FMN1: variants seen among roughly 807,000 people sequenced by gnomAD.
FMN1 encodes the protein formin 1.
A neutral mutation model predicts 132.4 loss-of-function variants in FMN1; 110 were observed. The ratio of observed to expected loss-of-function variants is 0.83; its 90% CI spans 0.71 to 0.97. The LOEUF (loss-of-function observed/expected upper bound fraction) is 0.97. Among genes scored for constraint, FMN1 ranks in the 50% least tolerant of loss-of-function variants. The pLI is 0.00. For synonymous variants in FMN1, 722 were observed against 651.7 expected (o/e 1.11, Z -1.64); for missense variants, 1,792 against 1,705.3 (o/e 1.05, Z -0.90).
At chr15:33,049,155 G>A (rs1474398850) in intron 6 of FMN1, among the ~76,000 whole-genome samples, 2 of 152,128 alleles carry the variant, frequency 1.3e-5, no homozygotes, top group African/African-American at 4.8e-5. Context: ...TCAAAACTTG[G>A]TGCTAAGGCC....
intron 6 of FMN1, chr15:33,012,140 T>C (rs937654596): frequency 1.2e-5 from 6 of 488,806 alleles, no homozygotes; most frequent in Non-Finnish European, 2.2e-5. Context: ...TCAGAGTCCC[T>C]CAAAGGGCCT....
chr15:32,880,052 G>GT (rs35012329), intron 16 of FMN1, among the ~76,000 whole-genome samples: 41,310 of 148,620 alleles, frequency 0.28, 6,118 homozygotes, highest in African/African-American at 0.39. Flanking sequence ...AGCTTCTATT[G>GT]TTTTTTTTTT....
At chr15:32,827,657 T>C (rs747122974) in intron 17 of FMN1, among the ~76,000 whole-genome samples, 1 of 151,664 alleles carries the variant, frequency 6.6e-6, no homozygotes, top group African/African-American at 2.4e-5. Context: ...GAGACCATCC[T>C]GGCTAACATC....
chr15:33,093,472 CTG>C (rs1328844916), intron 4 of FMN1, among the ~76,000 whole-genome samples: 1 of 152,160 alleles, frequency 6.6e-6, no homozygotes, highest in East Asian at 1.9e-4. Context: ...TCACTCATGT[CTG>C]TATCTAAGAA....
At chr15:33,066,509 A>T in intron 5 of FMN1, 1 of 1,522,148 alleles carries the variant, frequency 6.6e-7, no homozygotes, top group Non-Finnish European at 8.8e-7. Context: ...AATTCTACAT[A>T]CACTTTTGGA....
At chr15:32,866,789 G>A (rs971079167) in intron 16 of FMN1, among the ~76,000 whole-genome samples, 6 of 151,990 alleles carry the variant, frequency 3.9e-5, no homozygotes, top group South Asian at 2.1e-4. Context: ...TATCTCCTTC[G>A]CTGACAACCC....
At chr15:32,978,357 C>T (rs2032380044) in intron 7 of FMN1, among the ~76,000 whole-genome samples, 1 of 152,230 alleles carries the variant, frequency 6.6e-6, no homozygotes, top group African/African-American at 2.4e-5. Flanking sequence ...GGCATTATTA[C>T]TCATCGGGGA....
At chr15:32,995,678 A>G (rs966494596) in intron 7 of FMN1, among the ~76,000 whole-genome samples, 10 of 152,210 alleles carry the variant, frequency 6.6e-5, no homozygotes, top group African/African-American at 1.7e-4. Flanking sequence ...TTTACCAATC[A>G]TGAGAGAGAT....
intron 10 of FMN1, among the ~76,000 whole-genome samples, chr15:32,918,401 A>C (rs916581526): frequency 1.7e-4 from 26 of 152,214 alleles, no homozygotes; most frequent in South Asian, 2.1e-4. Context: ...GCTCTGATGG[A>C]GTAAGAGACA....
chr15:33,020,346 C>G (rs965826858), intron 6 of FMN1, among the ~76,000 whole-genome samples: 1 of 141,306 alleles, frequency 7.1e-6, no homozygotes, highest in South Asian at 2.7e-4. Flanking sequence ...CCACCAGATT[C>G]GGTCACTATA....
intron 17 of FMN1, among the ~76,000 whole-genome samples, chr15:32,856,018 C>T (rs541902787): frequency 1.3e-4 from 20 of 152,302 alleles, no homozygotes; most frequent in African/African-American, 4.6e-4. Flanking sequence ...GACAACCTTT[C>T]ATCATGGAGA....
At chr15:32,812,839 T>C (rs1293373666) in intron 17 of FMN1, among the ~76,000 whole-genome samples, 1 of 152,226 alleles carries the variant, frequency 6.6e-6, no homozygotes, top group Non-Finnish European at 1.5e-5. Context: ...ACAATAGAAA[T>C]ATTTCAGGTG....
At chr15:32,860,201 GGAAA>G (rs1424586688) in intron 16 of FMN1, among the ~76,000 whole-genome samples, 1 of 114,740 alleles carries the variant, frequency 8.7e-6, no homozygotes, top group East Asian at 2.1e-4. Flanking sequence ...AAGGAAGGAA[GGAAA>G]GAAAGGAGAG....
rs1567149105 is a variant in FMN1 at position 32,777,480 on chromosome 15, T to TTTATA, written c.4131-562_4131-561insTATAA. ...TTTATATATTACGTATATTTATATA[T>TTTATA]TATATTTATATATTACGTATAACAT... On this transcript the variant is annotated intron_variant, in intron 19 of 20. Coordinates refer to ENST00000616417, the MANE Select transcript of FMN1 (RefSeq NM_001277313.2). Among the ~76,000 whole-genome samples the TTTATA allele has an allele frequency of 2.9e-4, 35 of 120,650 alleles. 4 individuals carry two copies. The highest frequency in any genetic ancestry group is 7.7e-4 in the African/African-American group (28 of 36,230). 79.2% of individuals were successfully genotyped at this position (120,650 alleles called of 152,430 possible).
intron 4 of FMN1, among the ~76,000 whole-genome samples, chr15:33,124,129 G>A (rs1386023984): frequency 2.6e-5 from 4 of 152,170 alleles, no homozygotes; most frequent in Admixed American, 2.6e-4. Context: ...CTGGGTTGAG[G>A]ATCATCTCTA....
At chr15:33,117,711 T>C (rs1374624335) in intron 4 of FMN1, among the ~76,000 whole-genome samples, 3 of 152,088 alleles carry the variant, frequency 2.0e-5, no homozygotes. Flanking sequence ...AGAGATTAAC[T>C]ATTATCTAGC....
rs114851360 is a variant in FMN1, at chr15:32,774,309, C to T, written c.*1G>A. The T allele has an allele frequency of 2.4e-4, 390 of 1,603,214 alleles. 1 individual carries two copies. In the African/African-American group the frequency reaches 4.7e-3, roughly 19 times the overall value. Reference sequence around the variant, plus strand: ...TGCCATCATTTCCATGTGTCTTCATCTTAGTTAGTGGTCACACTGGCTTCC... The same window carrying T: ...TGCCATCATTTCCATGTGTCTTCATTTTAGTTAGTGGTCACACTGGCTTCC... On this transcript the variant is annotated 3_prime_UTR_variant, in exon 21 of 21. Coordinates refer to ENST00000616417, the MANE Select transcript of FMN1 (RefSeq NM_001277313.2).
At chr15:32,863,686 T>G (rs565205488) in intron 16 of FMN1, among the ~76,000 whole-genome samples, 3 of 152,250 alleles carry the variant, frequency 2.0e-5, no homozygotes, top group African/African-American at 7.2e-5. Flanking sequence ...TTTCCTTCCA[T>G]GTTCATCTTT....
chr15:33,024,285 C>T (rs111386666), intron 6 of FMN1, among the ~76,000 whole-genome samples: 4,658 of 122,252 alleles, frequency 0.038, 292 homozygotes, highest in African/African-American at 0.13. Context: ...CTCGCTCTGT[C>T]GCCCAGGCTG....
Sources: gnomAD v4.1 joint callset for allele counts (sites outside exome capture counted in the v4.1 genomes callset) on GRCh38, gnomAD v4.1.1 for gene constraint, MANE v1.5 for transcripts, NCBI Gene and HGNC (gene_info 2026-07-23, HGNC 2026-07-21) for gene names.